Variants in EPHA6 observed in about 807,000 individuals in gnomAD.
EPHA6 encodes the protein ephrin type-A receptor 6.
A neutral mutation model predicts 112.0 loss-of-function variants in EPHA6; 50 were observed. That is an observed-to-expected ratio of 0.45 (90% confidence interval 0.36 to 0.56). The LOEUF (loss-of-function observed/expected upper bound fraction) is 0.56. Ranked by LOEUF, EPHA6 falls within the 20% of genes least tolerant of loss-of-function variation. The pLI, the probability that EPHA6 is intolerant of heterozygous loss-of-function variation, is 0.00. For missense variants in EPHA6, 1,280 were observed against 1,417.4 expected (o/e 0.90, Z 1.56); for synonymous variants, 529 against 490.7 (o/e 1.08, Z -1.03).
chr3:97,369,705 A>T (rs1029558266), intron 5 of EPHA6, among the ~76,000 whole-genome samples: 1 of 152,164 alleles, frequency 6.6e-6, no homozygotes, highest in Non-Finnish European at 1.5e-5. Context: ...CAATTCATGG[A>T]TGTAATATAA....
intron 5 of EPHA6, among the ~76,000 whole-genome samples, chr3:97,283,526 G>A (rs927455396): frequency 6.6e-6 from 1 of 151,926 alleles, no homozygotes; most frequent in Non-Finnish European, 1.5e-5. Flanking sequence ...AATATTAAAT[G>A]AAATGGTGAT....
intron 10 of EPHA6, among the ~76,000 whole-genome samples, chr3:97,485,174 C>G (rs974349144): frequency 6.6e-6 from 1 of 152,174 alleles, no homozygotes; most frequent in African/African-American, 2.4e-5. Context: ...AGCCAGGTGT[C>G]ATGTCTTTAC....
At chr3:97,676,104 C>T (rs2031351643) in intron 14 of EPHA6, among the ~76,000 whole-genome samples, 1 of 151,708 alleles carries the variant, frequency 6.6e-6, no homozygotes, top group Non-Finnish European at 1.5e-5. Context: ...GGCTGGAGTT[C>T]AAGGAAGGGA....
At chr3:96,904,213 T>G (rs2038787942) in intron 2 of EPHA6, among the ~76,000 whole-genome samples, 1 of 151,912 alleles carries the variant, frequency 6.6e-6, no homozygotes, top group East Asian at 1.9e-4. Flanking sequence ...AACCCAAATG[T>G]CCAACAATGA....
At chr3:96,952,067 C>A (rs2041563529) in intron 2 of EPHA6, among the ~76,000 whole-genome samples, 1 of 152,096 alleles carries the variant, frequency 6.6e-6, no homozygotes, top group Non-Finnish European at 1.5e-5. Flanking sequence ...TTAATTATTT[C>A]TCATCACTCA....
intron 1 of EPHA6, among the ~76,000 whole-genome samples, chr3:96,833,062 G>C (rs143534585): frequency 6.6e-6 from 1 of 151,496 alleles, no homozygotes; most frequent in Non-Finnish European, 1.5e-5. Context: ...GTTGAATTAT[G>C]TCCTCTCAAA....
At chr3:97,243,863 A>T in intron 4 of EPHA6, 89 bp from the exon 5 acceptor site, 5 of 967,502 alleles carry the variant, frequency 5.2e-6, no homozygotes, top group Non-Finnish European at 6.1e-6. Flanking sequence ...ATAAAAGAGC[A>T]ACAAGTGTTT....
intron 3 of EPHA6, 59 bp downstream of exon 3, chr3:96,988,052 A>G: frequency 7.6e-7 from 1 of 1,321,046 alleles, no homozygotes; most frequent in Non-Finnish European, 1.0e-6. Flanking sequence ...AAAAAGTTTT[A>G]TTTTTTAAAT....
At chr3:97,061,589 G>A (rs2046022761) in intron 3 of EPHA6, among the ~76,000 whole-genome samples, 1 of 152,134 alleles carries the variant, frequency 6.6e-6, no homozygotes, top group African/African-American at 2.4e-5. Context: ...TATGTTTATG[G>A]TAAGGTAGGA....
In EPHA6 at chr3:97,468,841, C is replaced by G. The variant is rs114142760; in HGVS notation, c.1895-6511C>G. Among the ~76,000 whole-genome samples the G allele has an allele frequency of 5.8e-3, 873 of 151,702 alleles. 7 individuals are homozygous for G. Among genetic ancestry groups the G allele is most frequent in the African/African-American group, 0.019 (791 of 41,480 alleles). The stretch of plus-strand genomic sequence containing the variant: ...ATATTAATACCTATACTATGTATGG[C>G]TTATACTAATCCCTTGTTATATAGA... On this transcript the variant is annotated intron_variant, in intron 7 of 17. Coordinates refer to ENST00000389672, the MANE Select transcript of EPHA6 (RefSeq NM_001080448.3).
At chr3:97,259,917 C>T (rs1559834411) in intron 5 of EPHA6, among the ~76,000 whole-genome samples, 1 of 151,886 alleles carries the variant, frequency 6.6e-6, no homozygotes, top group Non-Finnish European at 1.5e-5. Context: ...TCTTCCGCCT[C>T]AGCCTCCTCA....
intron 3 of EPHA6, among the ~76,000 whole-genome samples, chr3:97,139,008 G>C (rs2075830498): frequency 6.6e-6 from 1 of 152,146 alleles, no homozygotes; most frequent in Non-Finnish European, 1.5e-5. Flanking sequence ...CTTGGTGCAA[G>C]ACAGTTGCCT....
intron 3 of EPHA6, among the ~76,000 whole-genome samples, chr3:97,086,497 C>T (rs901300510): frequency 2.0e-5 from 3 of 151,724 alleles, no homozygotes; most frequent in African/African-American, 7.3e-5. Flanking sequence ...ATAAGTTTTA[C>T]AATATTAAAA....
chr3:96,879,872 T>G (rs1444613658), intron 2 of EPHA6, among the ~76,000 whole-genome samples: 4 of 152,128 alleles, frequency 2.6e-5, no homozygotes, highest in Non-Finnish European at 4.4e-5. Context: ...GAGACTTTAC[T>G]GAATTCATTT....
intron 3 of EPHA6, among the ~76,000 whole-genome samples, chr3:97,088,989 T>A (rs1284889124): frequency 2.0e-5 from 3 of 152,112 alleles, no homozygotes; most frequent in Admixed American, 1.3e-4. Context: ...ATTAAGGCAC[T>A]AAATAGAAAC....
chr3:97,170,779 G>GTC (rs1576611938), intron 3 of EPHA6, among the ~76,000 whole-genome samples: 2 of 152,024 alleles, frequency 1.3e-5, no homozygotes, highest in East Asian at 3.9e-4. Flanking sequence ...ATAGGACCAG[G>GTC]TCTGAGAGGA....
intron 2 of EPHA6, among the ~76,000 whole-genome samples, chr3:96,947,608 A>G (rs1353630138): frequency 6.6e-6 from 1 of 152,150 alleles, no homozygotes; most frequent in Non-Finnish European, 1.5e-5. Flanking sequence ...CCAACAAGAG[A>G]CAAACAGAGA....
chr3:97,112,207 T>C (rs1343674242), intron 3 of EPHA6, among the ~76,000 whole-genome samples: 1 of 152,168 alleles, frequency 6.6e-6, no homozygotes, highest in Non-Finnish European at 1.5e-5. Context: ...TTTGCTTGTA[T>C]ATAAGTGATA....
chr3:97,547,918 G>A (rs2092977176), intron 11 of EPHA6, among the ~76,000 whole-genome samples: 1 of 152,162 alleles, frequency 6.6e-6, no homozygotes, highest in African/African-American at 2.4e-5. Flanking sequence ...CATTGGAAAA[G>A]CACAGTATTA....
Sources: gnomAD v4.1 joint callset for allele counts (sites outside exome capture counted in the v4.1 genomes callset) on GRCh38, gnomAD v4.1.1 for gene constraint, MANE v1.5 for transcripts, NCBI Gene and HGNC (gene_info 2026-07-23, HGNC 2026-07-21) for gene names.